SRGAP2: variants seen among roughly 807,000 people sequenced by gnomAD.
The protein encoded by SRGAP2 is SLIT-ROBO Rho GTPase-activating protein 2.
Under a neutral mutation model 57.2 loss-of-function variants are expected in SRGAP2, and 15 were observed. That is an observed-to-expected ratio of 0.26 (90% CI 0.18 to 0.40). The LOEUF is 0.40. Ranked by LOEUF, SRGAP2 falls within the 10% of genes least tolerant of loss-of-function variation. The pLI, the probability that SRGAP2 is intolerant of heterozygous loss-of-function variation, is 1.00. For synonymous variants in SRGAP2, 249 were observed against 248.0 expected, an observed-to-expected ratio of 1.00 and a Z score of -0.04; for missense variants, 520 against 669.6, an observed-to-expected ratio of 0.78 and a Z score of 2.47.
chr1:206,207,218 C>G (rs1482935288), intron 2 of SRGAP2: 3 of 151,072 alleles, frequency 2.0e-5, no homozygotes, highest in African/African-American at 7.3e-5. Context: ...TGGCTCCCCT[C>G]TAATGATTGC....
intron 2 of SRGAP2, among the ~76,000 whole-genome samples, chr1:206,241,050 G>A (rs1668193018): frequency 6.6e-6 from 1 of 152,206 alleles, no homozygotes; most frequent in Admixed American, 6.5e-5. Flanking sequence ...TGGACTTGGT[G>A]GCACCCACCT....
intron 14 of SRGAP2, among the ~76,000 whole-genome samples, chr1:206,432,618 A>C (rs1558427260): frequency 1.3e-5 from 2 of 152,236 alleles, no homozygotes; most frequent in South Asian, 4.1e-4. Context: ...TTGAACTAAT[A>C]TGGAGAGATT....
At chr1:206,416,159 A>G (rs1159309050) in intron 11 of SRGAP2, among the ~76,000 whole-genome samples, 186 bp downstream of exon 11, 1 of 152,216 alleles carries the variant, frequency 6.6e-6, no homozygotes, top group East Asian at 1.9e-4. Flanking sequence ...GGAAAGGCCA[A>G]TGCTTAATGA....
At chr1:206,323,349 A>G (rs1188182498) in intron 3 of SRGAP2, among the ~76,000 whole-genome samples, 3 of 152,230 alleles carry the variant, frequency 2.0e-5, no homozygotes, top group East Asian at 3.8e-4. Flanking sequence ...CCATGTATCC[A>G]TAGATTAAGT....
At chr1:206,397,647 C>CA in intron 7 of SRGAP2, among the ~76,000 whole-genome samples, 1 of 146,108 alleles carries the variant, frequency 6.8e-6, no homozygotes, top group South Asian at 2.1e-4. Context: ...GACTTCAGGC[C>CA]AAAAAGACGT....
chr1:206,227,710 CT>C (rs1341043460), intron 2 of SRGAP2, among the ~76,000 whole-genome samples: 3 of 152,064 alleles, frequency 2.0e-5, no homozygotes, highest in Non-Finnish European at 4.4e-5. Flanking sequence ...TGGTGTATTC[CT>C]ATTCATGAGT....
At chr1:206,433,122 A>G (rs1485830960) in intron 14 of SRGAP2, among the ~76,000 whole-genome samples, 10 of 152,230 alleles carry the variant, frequency 6.6e-5, no homozygotes, top group Admixed American at 2.6e-4. Context: ...CTTTTATATA[A>G]GAGAGAAGAA....
intron 2 of SRGAP2, among the ~76,000 whole-genome samples, chr1:206,209,501 G>C (rs1416760656): frequency 1.3e-5 from 2 of 151,920 alleles, no homozygotes. Context: ...GTGGTTTTAT[G>C]AGGGGTGTGC....
chr1:206,454,567 C>A lies in SRGAP2; in HGVS notation c.2361-311C>A. 1 of 411,864 alleles carries A rather than the reference C, an allele frequency of 2.4e-6. No homozygotes were observed. The highest frequency in any genetic ancestry group is 4.3e-6 in the Non-Finnish European group (1 of 232,042). The allele number at this position is 411,864 out of a possible 1,614,324, so 25.5% of individuals were successfully genotyped here. A position where few individuals can be genotyped will look rare whatever the true frequency, so the allele number is the denominator to read the frequency against. ...CCTTCTCCAGGAGGCCGCCCCAGCA[C>A]GGCCTCCCCAGGAAGCAGCATGGGG... On this transcript the variant is annotated intron_variant, in intron 20 of 22. Coordinates refer to ENST00000573034, the MANE Select transcript of SRGAP2 (RefSeq NM_015326.5). The surrounding 1 kb of genome is among the most constrained non-coding windows in gnomAD (Gnocchi z 4.3).
intron 13 of SRGAP2, among the ~76,000 whole-genome samples, chr1:206,426,554 C>T (rs1660815115): frequency 6.6e-6 from 1 of 152,150 alleles, no homozygotes; most frequent in South Asian, 2.1e-4. Flanking sequence ...AGCTTCCATA[C>T]TGTTTTTTTG....
rs1388931375 is a variant in SRGAP2, at chr1:206,307,530, C to T, written c.260+4057C>T. Among the ~76,000 whole-genome samples, 1,054 of 152,198 alleles carry T rather than the reference C, an allele frequency of 6.9e-3. 8 individuals are homozygous for T. The highest frequency in any genetic ancestry group is 0.024 in the African/African-American group (997 of 41,544). ...TGGTGCTCGTCGGGGAGGCTCCGGC[C>T]GCACAGGAGCCCATGGAGTGGGTGG... On this transcript the variant is annotated intron_variant, in intron 3 of 22. Coordinates refer to ENST00000573034, the MANE Select transcript of SRGAP2 (RefSeq NM_015326.5).
intron 5 of SRGAP2, among the ~76,000 whole-genome samples, chr1:206,385,884 A>T (rs1370320093): frequency 6.6e-6 from 1 of 152,162 alleles, no homozygotes; most frequent in African/African-American, 2.4e-5. Flanking sequence ...TGAGTGTGGT[A>T]TCCCCTGCCA....
chr1:206,256,346 A>T (rs1346704949), intron 2 of SRGAP2, among the ~76,000 whole-genome samples: 1 of 152,226 alleles, frequency 6.6e-6, no homozygotes, highest in African/African-American at 2.4e-5. Flanking sequence ...CTCTGTTCAC[A>T]TACCCATCAG....
intron 3 of SRGAP2, among the ~76,000 whole-genome samples, chr1:206,303,886 T>TCACACA (rs1376040852): frequency 7.5e-5 from 10 of 132,956 alleles, no homozygotes; most frequent in African/African-American, 3.0e-4. Context: ...TCTCTCTCTC[T>TCACACA]CTCACACACA....
At chr1:206,457,495 A>G (rs968390145) in intron 21 of SRGAP2, among the ~76,000 whole-genome samples, 2 of 152,194 alleles carry the variant, frequency 1.3e-5, no homozygotes, top group Non-Finnish European at 2.9e-5. Flanking sequence ...GGTGCCAGGG[A>G]AATCCTTGCA....
chr1:206,237,306 A>AG lies in SRGAP2; in HGVS notation c.67+31270dup, dbSNP rs782660282. Among the ~76,000 whole-genome samples, 13 of 152,272 alleles carry AG rather than the reference A, an allele frequency of 8.5e-5. No homozygotes were observed. The East Asian group carries it at 2.5e-3, about 29-fold the overall frequency. ...CCCTGTCTCAGAGGGGGGAAAAAAA[A>AG]GTGAATGTACACGTATTCACAAATC... is the stretch of plus-strand genomic sequence containing the variant. On this transcript the variant is annotated intron_variant, in intron 2 of 22. Transcript: ENST00000573034.
chr1:206,239,207 A>G (rs1668058518), intron 2 of SRGAP2, among the ~76,000 whole-genome samples: 1 of 147,496 alleles, frequency 6.8e-6, no homozygotes, highest in African/African-American at 2.5e-5. Context: ...AGCAGTGGCA[A>G]CAGCAGAAAA....
chr1:206,457,598 A>C (rs926710752), intron 21 of SRGAP2, among the ~76,000 whole-genome samples: 3 of 152,188 alleles, frequency 2.0e-5, no homozygotes, highest in Non-Finnish European at 4.4e-5. Context: ...AAAACTGCCG[A>C]GTGGACAGAC....
intron 21 of SRGAP2, chr1:206,458,340 C>G (rs781999408): frequency 3.3e-6 from 2 of 606,658 alleles, no homozygotes; most frequent in South Asian, 3.0e-5. Flanking sequence ...CCATTAGAAA[C>G]CTTCGCTTAA....
Sources: gnomAD v4.1 joint callset for allele counts (sites outside exome capture counted in the v4.1 genomes callset) on GRCh38, gnomAD v4.1.1 for gene constraint, Gnocchi (gnomAD v3.1) non-coding constraint, MANE v1.5 for transcripts, NCBI Gene and HGNC (gene_info 2026-07-23, HGNC 2026-07-21) for gene names.